SPC25: variants seen among roughly 807,000 people sequenced by gnomAD.
SPC25 encodes the protein SPC25 component of NDC80 kinetochore complex, also known as kinetochore protein Spc25.
Under a neutral mutation model 29.6 loss-of-function variants are expected in SPC25, and 22 were observed. That is an observed-to-expected ratio of 0.74 (90% CI 0.53 to 1.06). SPC25 has a LOEUF of 1.06. Ranked by LOEUF, SPC25 falls within the 50% of genes least tolerant of loss-of-function variation. The pLI is 0.00. For synonymous variants in SPC25, 91 were observed against 90.4 expected, an observed-to-expected ratio of 1.01 and a Z score of -0.04; for missense variants, 230 against 255.8, an observed-to-expected ratio of 0.90 and a Z score of 0.69.
chr2:168,889,962 A>T (rs1344236045), intron 1 of SPC25, among the ~76,000 whole-genome samples: 2 of 152,026 alleles, frequency 1.3e-5, no homozygotes, highest in Non-Finnish European at 2.9e-5. Context: ...AGAACAGTAA[A>T]AGTTAACAGT....
At chr2:168,870,790 T>A (rs1038483226), downstream of SPC25, 1 of 151,476 alleles carries the variant, frequency 6.6e-6, no homozygotes, top group Admixed American at 6.6e-5. Context: ...ATTGTGGAAG[T>A]TGGTGTGGCG....
Position 168,871,260 on chromosome 2 carries a change from C to T in SPC25, c.*171G>A, listed in dbSNP as rs1358952915. The T allele has an allele frequency of 2.2e-5, 10 of 454,138 alleles. No homozygotes were observed. The highest frequency in any genetic ancestry group is 3.8e-5 in the South Asian group (1 of 26,168). The allele number at this position is 454,138 out of a possible 1,614,324, so 28.1% of individuals were successfully genotyped here. On this transcript the variant is annotated 3_prime_UTR_variant, in exon 7 of 7. Transcript: ENST00000282074. ...TTAGGAGATATACCTAATGAAATGA[C>T]GAGTTAATGGGTGCAGCACACCAAT... is the stretch of plus-strand genomic sequence containing the variant.
intron 3 of SPC25, among the ~76,000 whole-genome samples, chr2:168,882,248 T>C (rs953545960): frequency 6.6e-6 from 1 of 152,230 alleles, no homozygotes; most frequent in Non-Finnish European, 1.5e-5. Context: ...ACTACTTTTT[T>C]AAAAGAAGAG....
chr2:168,865,844 C>G (rs567562189), intron 4 of SPC25, among the ~76,000 whole-genome samples: 7 of 152,258 alleles, frequency 4.6e-5, no homozygotes, highest in Admixed American at 1.3e-4. Context: ...AAACAGAGAG[C>G]CAAATCATGA....
intron 4 of SPC25, among the ~76,000 whole-genome samples, chr2:168,862,718 C>A (rs983639751): frequency 7.2e-5 from 11 of 152,040 alleles, no homozygotes; most frequent in African/African-American, 2.4e-4. Context: ...ATAATGTAAA[C>A]CACAACATTA....
chr2:168,870,567 C>T (rs1014047782), downstream of SPC25, among the ~76,000 whole-genome samples: 39 of 151,818 alleles, frequency 2.6e-4, 2 homozygotes, highest in African/African-American at 8.8e-4. Flanking sequence ...AGACACTTGT[C>T]AAAAGAAGAC....
Position 168,871,538 on chromosome 2 carries a change from G to A in SPC25, c.568C>T (p.His190Tyr), listed in dbSNP as rs1689986550. ...TGAAATTCTGCTAGGCCCTCAAGAT[G>A]AGGGGCACTATCTGACACTAGAAAA... The part of the protein sequence containing the change: ...RDYEVSDSAP[H>Y]LEGLAEFQEN... Residue 190 changes from histidine to tyrosine, a missense_variant, in exon 7 of 7, where the codon CAT (histidine) becomes TAT (tyrosine). Coordinates refer to ENST00000282074, the MANE Select transcript of SPC25 (RefSeq NM_020675.4). 1 of 1,581,894 alleles carries A rather than the reference G, an allele frequency of 6.3e-7. No individual in the cohort carries two copies. Among genetic ancestry groups the A allele is most frequent in the South Asian group, 1.2e-5 (1 of 84,916 alleles).
chr2:168,873,489 G>C, intron 6 of SPC25, 96 bp downstream of exon 6: 1 of 808,562 alleles, frequency 1.2e-6, no homozygotes, highest in Non-Finnish European at 2.1e-6. Context: ...ATAGAGTCTG[G>C]AGCTATTACT....
chr2:168,884,889 AAGGC>A (rs1272365490), intron 3 of SPC25: 1 of 152,196 alleles, frequency 6.6e-6, no homozygotes, highest in Non-Finnish European at 1.5e-5. Context: ...TGGTCAATGT[AAGGC>A]ATTTAGCACA....
chr2:168,885,309 ACT>A (rs904879028), intron 3 of SPC25, among the ~76,000 whole-genome samples: 2 of 152,034 alleles, frequency 1.3e-5, no homozygotes, highest in African/African-American at 4.8e-5. Context: ...CTTGAGTCTA[ACT>A]CTTCAGACCT....
intron 5 of SPC25, among the ~76,000 whole-genome samples, chr2:168,875,670 C>T (rs937876775): frequency 4.6e-5 from 7 of 151,976 alleles, no homozygotes; most frequent in African/African-American, 1.7e-4. Flanking sequence ...ATGGCAGAAT[C>T]CAAATGTTGG....
At chr2:168,879,015 T>C (rs1463537747) in intron 3 of SPC25, among the ~76,000 whole-genome samples, 2 of 152,236 alleles carry the variant, frequency 1.3e-5, no homozygotes, top group Non-Finnish European at 2.9e-5. Context: ...AATGTACATA[T>C]CTTAATTAAA....
Position 168,861,971 on chromosome 2 carries a change from G to A in SPC25, n.419+11614C>T, listed in dbSNP as rs750158413. ...TTTATCTATTTCAGCCCCTGGTGCA[G>A]CCCAGCTCAGCAGCAGACTTTGCAA... is the stretch of plus-strand genomic sequence containing the variant. On this transcript the variant is annotated intron_variant and non_coding_transcript_variant, in intron 4 of 4. Coordinates refer to the SPC25 transcript ENST00000479309. 104 of 1,614,148 alleles carry A rather than the reference G, an allele frequency of 6.4e-5. No homozygotes were observed. The Middle Eastern group carries it at 1.6e-3, about 26-fold the overall frequency.
In SPC25 at chr2:168,876,066, A is replaced by C; in HGVS notation, c.451+6T>G. ...TCCTATATTTTATTTATATTAACAA[A>C]CTTACCATAAATTTTTCGAATTTCT... is the stretch of plus-strand genomic sequence containing the variant. On this transcript the variant is annotated splice_donor_region_variant and intron_variant, in intron 5 of 6. Transcript: ENST00000282074. The C allele has an allele frequency of 6.7e-7, 1 of 1,485,830 alleles. No homozygotes were observed. The highest frequency in any genetic ancestry group is 1.4e-5 in the South Asian group (1 of 71,644). 92.0% of individuals were successfully genotyped at this position (1,485,830 alleles called of 1,614,324 possible). A position where few individuals can be genotyped will look rare whatever the true frequency, so the allele number is the denominator to read the frequency against.
chr2:168,871,479 A>AT lies in SPC25; in HGVS notation c.626_627insA (p.Leu211SerfsTer14), dbSNP rs768798081. On this transcript the variant is annotated frameshift_variant, in exon 7 of 7. Transcript: ENST00000282074. LOFTEE classifies it high-confidence loss of function. ...AAGCTTTCCGAACATTGGCAAGAAAAGCTGAAAAATTGTTGGTCTTCCTTA... is the reference window on the plus strand; with the variant it reads ...AAGCTTTCCGAACATTGGCAAGAAAATGCTGAAAAATTGTTGGTCTTCCTTA... 34 of 1,611,600 alleles carry AT rather than the reference A, an allele frequency of 2.1e-5. No individual in the cohort carries two copies. Among genetic ancestry groups the AT allele is most frequent in the South Asian group, 2.0e-4 (18 of 90,468 alleles).
intron 1 of SPC25, 69 bp from the exon 2 acceptor site, chr2:168,889,602 T>C: frequency 6.8e-7 from 1 of 1,479,716 alleles, no homozygotes. Flanking sequence ...TCCAATCGGG[T>C]ATACAGTATT....
chr2:168,886,620 C>T (rs375166225), intron 3 of SPC25, among the ~76,000 whole-genome samples: 328 of 151,040 alleles, frequency 2.2e-3, no homozygotes, highest in Non-Finnish European at 3.3e-3. Context: ...CCCAGGTTCA[C>T]GCCATTCTCC....
intron 4 of SPC25, among the ~76,000 whole-genome samples, chr2:168,876,868 C>T (rs547204719): frequency 5.3e-5 from 8 of 152,186 alleles, no homozygotes; most frequent in South Asian, 4.1e-4. Flanking sequence ...ATAAAAAGAA[C>T]GCTTAACATT....
chr2:168,864,933 T>G, intron 4 of SPC25: 1 of 1,614,136 alleles, frequency 6.2e-7, no homozygotes. Flanking sequence ...GTGGAGGAGT[T>G]ACCTTCAAAT....
Sources: gnomAD v4.1 joint callset for allele counts (sites outside exome capture counted in the v4.1 genomes callset) on GRCh38, gnomAD v4.1.1 for gene constraint, MANE v1.5 for transcripts, NCBI Gene and HGNC (gene_info 2026-07-23, HGNC 2026-07-21) for gene names.